TENT4B: variants seen among roughly 807,000 people sequenced by gnomAD.
The protein encoded by TENT4B is PAP associated domain containing 5.
Under a neutral mutation model 75.0 loss-of-function variants are expected in TENT4B, and 10 were observed. That is an observed-to-expected ratio of 0.13 (90% CI 0.08 to 0.23). The LOEUF (loss-of-function observed/expected upper bound fraction) is 0.23. Among genes scored for constraint, TENT4B ranks in the 10% least tolerant of loss-of-function variants. TENT4B has a pLI of 1.00. For missense variants in TENT4B, 579 were observed against 893.8 expected, an observed-to-expected ratio of 0.65 and a Z score of 4.49; for synonymous variants, 350 against 357.7, an observed-to-expected ratio of 0.98 and a Z score of 0.24.
intron 1 of TENT4B, among the ~76,000 whole-genome samples, chr16:50,202,947 A>G (rs1596716211): frequency 6.6e-6 from 1 of 152,214 alleles, no homozygotes; most frequent in East Asian, 1.9e-4. Context: ...ATTGAGTGCA[A>G]CTGGCAGTGG....
At chr16:50,189,525 G>A (rs905357463) in intron 1 of TENT4B, among the ~76,000 whole-genome samples, 1 of 152,106 alleles carries the variant, frequency 6.6e-6, no homozygotes, top group Non-Finnish European at 1.5e-5. Context: ...CTGAGGCCCT[G>A]GGCTGTCTCT....
chr16:50,191,020 C>A (rs2541707), intron 1 of TENT4B, among the ~76,000 whole-genome samples: 101,799 of 151,964 alleles, frequency 0.67, 36,071 homozygotes, highest in Non-Finnish European at 0.77. Flanking sequence ...CAAGGTTCAT[C>A]CATGTTGTAG....
intron 1 of TENT4B, among the ~76,000 whole-genome samples, chr16:50,209,744 A>G (rs2031180170): frequency 6.6e-6 from 1 of 152,228 alleles, no homozygotes; most frequent in Non-Finnish European, 1.5e-5. Flanking sequence ...AGCTGCCCTC[A>G]GGCAGAACCT....
At chr16:50,196,753 C>T (rs1007609400) in intron 1 of TENT4B, among the ~76,000 whole-genome samples, 12 of 124,492 alleles carry the variant, frequency 9.6e-5, no homozygotes, top group Admixed American at 9.5e-4. Context: ...ATGGTGAAAT[C>T]CTGTCTCTAC....
At chr16:50,169,249 C>A (rs113013506) in intron 1 of TENT4B, among the ~76,000 whole-genome samples, 1 of 152,058 alleles carries the variant, frequency 6.6e-6, no homozygotes, top group Non-Finnish European at 1.5e-5. Flanking sequence ...AGAAACCAAG[C>A]GTTGTTTCCT....
chr16:50,184,884 C>T (rs1289899772), intron 1 of TENT4B, among the ~76,000 whole-genome samples: 1 of 152,050 alleles, frequency 6.6e-6, no homozygotes, highest in Non-Finnish European at 1.5e-5. Context: ...TGTGAGCATA[C>T]ATTTTTCATT....
chr16:50,154,329 G>A, intron 1 of TENT4B, 70 bp downstream of exon 1: 3 of 1,381,202 alleles, frequency 2.2e-6, no homozygotes, highest in Non-Finnish European at 2.8e-6. Context: ...GCCCACAGAG[G>A]GGGGTTGTGA....
At chr16:50,157,463 ATTGGATTT>A (rs1334188737) in intron 1 of TENT4B, among the ~76,000 whole-genome samples, 2 of 152,222 alleles carry the variant, frequency 1.3e-5, no homozygotes, top group Non-Finnish European at 2.9e-5. Context: ...AGAGTAAGAT[ATTGGATTT>A]CATCCTAAAG....
At chr16:50,186,390 G>T (rs2541563) in intron 1 of TENT4B, among the ~76,000 whole-genome samples, 101,177 of 151,892 alleles carry the variant, frequency 0.67, 35,579 homozygotes, top group Non-Finnish European at 0.76. Context: ...TGATTCCAAG[G>T]TTTGTCCATG....
At position 50,233,750 on chromosome 16, in the gene TENT4B, A is replaced by T; in HGVS notation, c.*4422A>T. ...CTTAAGTGTGTACTTTATTGAGTTT[A>T]ACCTTGTCTGTAGCCTAGTAGCCTG... On this transcript the variant is annotated 3_prime_UTR_variant, in exon 12 of 12. Transcript: ENST00000561678. 1.0e-6 allele frequency: 1 copy of T among 985,356 alleles called. No individual in the cohort carries two copies. The highest frequency in any genetic ancestry group is 6.1e-5 in the Admixed American group (1 of 16,278). The allele number at this position is 985,356 out of a possible 1,614,324, so 61.0% of individuals were successfully genotyped here. A position where few individuals can be genotyped will look rare whatever the true frequency, so the allele number is the denominator to read the frequency against.
chr16:50,186,538 G>A (rs540765084), intron 1 of TENT4B, among the ~76,000 whole-genome samples: 3 of 152,056 alleles, frequency 2.0e-5, no homozygotes, highest in Admixed American at 6.6e-5. Context: ...TAATGCTGCC[G>A]TGAACATTGA....
chr16:50,154,354 C>G, intron 1 of TENT4B, 95 bp downstream of exon 1: 2 of 1,348,930 alleles, frequency 1.5e-6, no homozygotes, highest in Non-Finnish European at 1.9e-6. Flanking sequence ...CTAGGAGCGG[C>G]CACCCCCACG....
rs952825806 is a variant in TENT4B at position 50,231,921 on chromosome 16, A to C, written c.*2593A>C. 9 of 978,042 alleles carry C rather than the reference A, an allele frequency of 9.2e-6. No homozygotes were observed. Among genetic ancestry groups the C allele is most frequent in the Non-Finnish European group, 7.3e-6 (6 of 823,206 alleles). The allele number at this position is 978,042 out of a possible 1,614,324, so 60.6% of individuals were successfully genotyped here. A position where few individuals can be genotyped will look rare whatever the true frequency, so the allele number is the denominator to read the frequency against. On this transcript the variant is annotated 3_prime_UTR_variant, in exon 12 of 12. Transcript: ENST00000561678. ...TTTTAATACTTCCTATATTTTGTGA[A>C]TATATCAGAAATGTGTCATTTATAT... is the stretch of plus-strand genomic sequence containing the variant.
chr16:50,190,591 A>G (rs2038621182), intron 1 of TENT4B, among the ~76,000 whole-genome samples: 1 of 152,044 alleles, frequency 6.6e-6, no homozygotes, highest in South Asian at 2.1e-4. Flanking sequence ...AGGTTCATCC[A>G]TGTTGCAGCA....
At chr16:50,163,667 G>A (rs1272056658) in intron 1 of TENT4B, among the ~76,000 whole-genome samples, 1 of 151,116 alleles carries the variant, frequency 6.6e-6, no homozygotes, top group Non-Finnish European at 1.5e-5. Flanking sequence ...CCAAAGTACT[G>A]GGATTACAGG....
intron 1 of TENT4B, among the ~76,000 whole-genome samples, chr16:50,210,522 G>T (rs2150733182): frequency 6.6e-6 from 1 of 152,346 alleles, no homozygotes; most frequent in South Asian, 2.1e-4. Context: ...GCAACTCAGT[G>T]ATTCATGACT....
Position 50,231,125 on chromosome 16 carries a change from G to A in TENT4B, c.*1797G>A, listed in dbSNP as rs1470643750. ...ATTTTAATTCACAATGGAAAAATGT[G>A]TTCCAAAACTGGAAACTCATAGTAC... On this transcript the variant is annotated 3_prime_UTR_variant, in exon 12 of 12. Coordinates refer to ENST00000561678, the MANE Select transcript of TENT4B (RefSeq NM_001365324.3). The A allele has an allele frequency of 4.1e-6, 4 of 985,418 alleles. No individual in the cohort carries two copies. Among genetic ancestry groups the A allele is most frequent in the Non-Finnish European group, 4.8e-6 (4 of 829,576 alleles). 61.0% of individuals were successfully genotyped at this position (985,418 alleles called of 1,614,324 possible). A position where few individuals can be genotyped will look rare whatever the true frequency, so the allele number is the denominator to read the frequency against.
Position 50,161,787 on chromosome 16 carries a change from C to T in TENT4B, c.638+7528C>T, listed in dbSNP as rs117236341. On this transcript the variant is annotated intron_variant, in intron 1 of 11. Coordinates refer to ENST00000561678, the MANE Select transcript of TENT4B (RefSeq NM_001365324.3). ...ATGTCAAGAACCAGGAAATTGTCAT[C>T]GTTGCAATCCATAAGCCTTTTTTAG... Among the ~76,000 whole-genome samples the T allele has an allele frequency of 4.5e-3, 680 of 152,252 alleles. 9 individuals are homozygous for T. The highest frequency in any genetic ancestry group is 0.017 in the South Asian group (80 of 4,826).
chr16:50,198,033 A>G (rs2150718415), intron 1 of TENT4B, among the ~76,000 whole-genome samples: 1 of 151,838 alleles, frequency 6.6e-6, no homozygotes, highest in Non-Finnish European at 1.5e-5. Context: ...ATTCTAGCCA[A>G]TGTAGTAGGG....
Sources: allele counts gnomAD v4.1 joint callset (sites outside exome capture counted in the v4.1 genomes callset), GRCh38; gene constraint gnomAD v4.1.1; transcripts MANE v1.5; gene names NCBI Gene and HGNC (gene_info 2026-07-23, HGNC 2026-07-21).